The following NKAIN2 variants were observed in gnomAD, a reference collection of about 807,000 sequenced individuals.
The protein encoded by NKAIN2 is sodium/potassium transporting ATPase interacting 2.
Under a neutral mutation model 32.6 loss-of-function variants are expected in NKAIN2, and 14 were observed. That is an observed-to-expected ratio of 0.43 (90% confidence interval 0.28 to 0.67). NKAIN2 has a LOEUF of 0.67. Ranked by LOEUF, NKAIN2 falls within the 30% of genes least tolerant of loss-of-function variation. The probability of loss-of-function intolerance (pLI) is 0.17; values close to 1 mark genes in which losing one functional copy is unlikely to be tolerated. For missense variants in NKAIN2, 198 were observed against 258.3 expected (o/e 0.77, Z 1.60); for synonymous variants, 80 against 87.2 (o/e 0.92, Z 0.46).
At chr6:124,277,879 T>TAA (rs376225223) in intron 1 of NKAIN2, among the ~76,000 whole-genome samples, 8 of 148,382 alleles carry the variant, frequency 5.4e-5, no homozygotes, top group Non-Finnish European at 1.0e-4. Flanking sequence ...TAACACACCT[T>TAA]AAAAAAAAAA....
At chr6:124,714,857 CA>C (rs1471389206) in intron 4 of NKAIN2, among the ~76,000 whole-genome samples, 1 of 152,098 alleles carries the variant, frequency 6.6e-6, no homozygotes, top group Admixed American at 6.5e-5. Context: ...GGCTCTGAAG[CA>C]AGAAGCAGGT....
At position 124,565,631 on chromosome 6, in the gene NKAIN2, C is replaced by A. The variant is rs1780881279; in HGVS notation, c.274-92555C>A. 2.0e-5 allele frequency among the ~76,000 whole-genome samples: 3 copies of A among 152,160 alleles called. No homozygotes were observed. The South Asian group carries it at 6.2e-4, about 32-fold the overall frequency. ...CTTGATTTTATAAAGTGGTTTCATG[C>A]CTCTGCACCTTTACAGATTTAGGCA... On this transcript the variant is annotated intron_variant, in intron 3 of 6. Coordinates refer to ENST00000368417, the MANE Select transcript of NKAIN2 (RefSeq NM_001040214.3).
chr6:123,870,905 C>A (rs1273216871), intron 1 of NKAIN2, among the ~76,000 whole-genome samples: 1 of 151,980 alleles, frequency 6.6e-6, no homozygotes, highest in East Asian at 1.9e-4. Context: ...ATATATATGT[C>A]TTTTTTTAAT....
intron 3 of NKAIN2, among the ~76,000 whole-genome samples, chr6:124,635,439 A>G (rs568728315): frequency 1.2e-4 from 18 of 152,088 alleles, no homozygotes; most frequent in African/African-American, 4.3e-4. Context: ...CCAGAAAACA[A>G]TTAATAAATG....
intron 1 of NKAIN2, among the ~76,000 whole-genome samples, chr6:123,824,781 G>T (rs1226766749): frequency 6.6e-6 from 1 of 151,774 alleles, no homozygotes; most frequent in Non-Finnish European, 1.5e-5. Flanking sequence ...TATCCAGTCA[G>T]CAAGGGAAGA....
intron 3 of NKAIN2, among the ~76,000 whole-genome samples, chr6:124,432,494 G>C (rs1040609220): frequency 3.9e-5 from 6 of 152,124 alleles, no homozygotes; most frequent in African/African-American, 1.4e-4. Context: ...ATAAGTCACA[G>C]CTTCTCAGGA....
At chr6:124,630,071 T>C (rs775106179) in intron 3 of NKAIN2, among the ~76,000 whole-genome samples, 1 of 152,084 alleles carries the variant, frequency 6.6e-6, no homozygotes, top group African/African-American at 2.4e-5. Context: ...TGCAATTGCA[T>C]GGGAAGTGTC....
chr6:123,860,762 A>C (rs916302100), intron 1 of NKAIN2, among the ~76,000 whole-genome samples: 1 of 152,106 alleles, frequency 6.6e-6, no homozygotes, highest in Non-Finnish European at 1.5e-5. Flanking sequence ...TATATATGAA[A>C]AATTATTTCC....
chr6:124,815,225 C>CATACATATAT (rs1554268823), intron 5 of NKAIN2, among the ~76,000 whole-genome samples: 1 of 136,998 alleles, frequency 7.3e-6, no homozygotes, highest in South Asian at 2.4e-4. Context: ...TATATATATA[C>CATACATATAT]ATATATATAT....
At chr6:124,226,076 A>G (rs1792090967) in intron 1 of NKAIN2, among the ~76,000 whole-genome samples, 1 of 152,094 alleles carries the variant, frequency 6.6e-6, no homozygotes, top group Non-Finnish European at 1.5e-5. Flanking sequence ...CCAGTGTCAC[A>G]GGAGAGAATG....
rs528805468 is a variant in NKAIN2, at chr6:124,786,014, A to G, written c.475-5325A>G. 5.9e-5 allele frequency among the ~76,000 whole-genome samples: 9 copies of G among 152,088 alleles called. 1 individual carries two copies. Among genetic ancestry groups the G allele is most frequent in the African/African-American group, 2.2e-4 (9 of 41,498 alleles). ...TTTGTTTTGTTTTGTTCTGTTTTCT[A>G]TGGTGTTGGCTAAAACAAAGAGGTA... On this transcript the variant is annotated intron_variant, in intron 4 of 6. Transcript: ENST00000368417.
intron 3 of NKAIN2, among the ~76,000 whole-genome samples, chr6:124,613,631 T>C (rs1431845909): frequency 6.6e-6 from 1 of 152,170 alleles, no homozygotes; most frequent in Non-Finnish European, 1.5e-5. Context: ...CCAAGAAATG[T>C]CTGGTCCTTC....
At chr6:123,930,083 C>G (rs906706415) in intron 1 of NKAIN2, among the ~76,000 whole-genome samples, 1 of 152,012 alleles carries the variant, frequency 6.6e-6, no homozygotes, top group African/African-American at 2.4e-5. Context: ...GTACAATGTA[C>G]AACAAAACCA....
intron 3 of NKAIN2, among the ~76,000 whole-genome samples, chr6:124,584,381 G>A (rs56813789): frequency 0.034 from 5,197 of 152,256 alleles, 146 homozygotes; most frequent in East Asian, 0.11. Flanking sequence ...GCCAGGCATG[G>A]TGGCTTACAT....
intron 3 of NKAIN2, among the ~76,000 whole-genome samples, chr6:124,487,337 G>T (rs963162773): frequency 1.3e-5 from 2 of 152,084 alleles, no homozygotes; most frequent in African/African-American, 4.8e-5. Context: ...GCTTTTATCT[G>T]ATTATAGACA....
At chr6:124,189,974 G>T (rs1384080640) in intron 1 of NKAIN2, among the ~76,000 whole-genome samples, 1 of 152,174 alleles carries the variant, frequency 6.6e-6, no homozygotes, top group African/African-American at 2.4e-5. Flanking sequence ...AACAATGAAG[G>T]TCAGAGGGCA....
chr6:124,038,375 C>T (rs918828243), intron 1 of NKAIN2, among the ~76,000 whole-genome samples: 5 of 151,898 alleles, frequency 3.3e-5, no homozygotes, highest in African/African-American at 4.8e-5. Flanking sequence ...CCACCAGGCC[C>T]GGATAATTTC....
At chr6:124,314,695 C>G (rs149368242) in intron 2 of NKAIN2, among the ~76,000 whole-genome samples, 1 of 152,228 alleles carries the variant, frequency 6.6e-6, no homozygotes, top group South Asian at 2.1e-4. Flanking sequence ...GTTCAGCCTA[C>G]GATGAGGAAG....
At position 124,572,063 on chromosome 6, in the gene NKAIN2, G is replaced by A. The variant is rs141978270; in HGVS notation, c.274-86123G>A. On this transcript the variant is annotated intron_variant, in intron 3 of 6. Transcript: ENST00000368417. The stretch of plus-strand genomic sequence containing the variant: ...CACCAAGTCCAGAGACATTTTCGGA[G>A]TCCTCTACCCAGTGGCATAGATTCT... 3.9e-4 allele frequency among the ~76,000 whole-genome samples: 59 copies of A among 152,214 alleles called. 3 individuals are homozygous for A. The East Asian group carries it at 0.011, about 29-fold the overall frequency.
Sources: gnomAD v4.1 joint callset for allele counts (sites outside exome capture counted in the v4.1 genomes callset) on GRCh38, gnomAD v4.1.1 for gene constraint, MANE v1.5 for transcripts, NCBI Gene and HGNC (gene_info 2026-07-23, HGNC 2026-07-21) for gene names.